SRP72: variants seen among roughly 807,000 people sequenced by gnomAD.
SRP72 encodes the protein signal recognition particle subunit SRP72.
In SRP72, 49 loss-of-function variants were observed where a neutral mutation model predicts 96.3. That is an observed-to-expected ratio of 0.51 (90% confidence interval 0.40 to 0.65). The LOEUF (loss-of-function observed/expected upper bound fraction) is 0.65. SRP72 is among the 30% of genes least tolerant of loss of function. The pLI, the probability that SRP72 is intolerant of heterozygous loss-of-function variation, is 0.00. For synonymous variants in SRP72, 267 were observed against 275.2 expected (o/e 0.97, Z 0.30); for missense variants, 736 against 793.3 (o/e 0.93, Z 0.87).
chr4:56,491,693 C>T (rs1256522746), intron 16 of SRP72, 125 bp downstream of exon 16: 2 of 933,868 alleles, frequency 2.1e-6, no homozygotes, highest in Admixed American at 2.8e-5. Context: ...TTCCATTTCT[C>T]TCACTGTGCC....
intron 16 of SRP72, among the ~76,000 whole-genome samples, chr4:56,493,235 CA>C (rs1192879426): frequency 6.6e-6 from 1 of 151,826 alleles, no homozygotes; most frequent in East Asian, 2.0e-4. Flanking sequence ...AGGGTTTCAC[CA>C]TGTCGATCAG....
rs1578190350 is a variant in SRP72, at chr4:56,488,097, G to A, written c.1224+84G>A. On this transcript the variant is annotated intron_variant, in intron 12 of 18. Coordinates refer to ENST00000642900, the MANE Select transcript of SRP72 (RefSeq NM_006947.4). Reference sequence around the variant, plus strand: ...TGTGTATTCACTTTATTTATATGTCGAATGTGTATTCACTTTAAGGTAGGA... The same window carrying A: ...TGTGTATTCACTTTATTTATATGTCAAATGTGTATTCACTTTAAGGTAGGA... 7.9e-6 allele frequency: 7 copies of A among 890,584 alleles called. No homozygotes were observed. The East Asian group carries it at 1.1e-4, about 14-fold the overall frequency. The allele number at this position is 890,584 out of a possible 1,614,324, so 55.2% of individuals were successfully genotyped here. A position where few individuals can be genotyped will look rare whatever the true frequency, so the allele number is the denominator to read the frequency against.
rs1404176833 is a variant in SRP72 at position 56,467,739 on chromosome 4, A to G, written c.104A>G (p.Asn35Ser). The change falls in exon 1 of 19, where the codon AAT (asparagine) becomes AGT (serine). Residue 35 changes from asparagine to serine, a missense_variant. Asn to Ser is a conservative substitution (Grantham distance 46). Coordinates refer to ENST00000642900, the MANE Select transcript of SRP72 (RefSeq NM_006947.4). ...GDFTRALKTV[N>S]KILQINKDDV... ...TTCACGCGCGCTCTCAAGACCGTCAATAAGAGTAAGTGTCGGGGTGGGCAC... is the reference window on the plus strand; with the variant it reads ...TTCACGCGCGCTCTCAAGACCGTCAGTAAGAGTAAGTGTCGGGGTGGGCAC... The G allele has an allele frequency of 1.3e-6, 2 of 1,536,576 alleles. No individual in the cohort carries two copies. Among genetic ancestry groups the G allele is most frequent in the East Asian group, 2.6e-5 (1 of 37,804 alleles).
Position 56,474,089 on chromosome 4 carries a change from A to G in SRP72, c.390A>G (p.Ala130=), listed in dbSNP as rs1429016252. 1 of 1,614,104 alleles carries G rather than the reference A, an allele frequency of 6.2e-7. No homozygotes were observed. Among genetic ancestry groups the G allele is most frequent in the Non-Finnish European group, 8.5e-7 (1 of 1,180,012 alleles). Residue 130 remains alanine, a synonymous_variant, in exon 4 of 19, where the codon GCA becomes GCG. Transcript: ENST00000642900. Reference sequence around the variant, plus strand: ...TGGAACGCTATGATGAATGCTTAGCAGTGTATAGAGATCTCGTCCGAAACT... The same window carrying G: ...TGGAACGCTATGATGAATGCTTAGCGGTGTATAGAGATCTCGTCCGAAACT... ...YRLERYDECL[A]VYRDLVRNSQ...
intron 4 of SRP72, 34 bp from the exon 5 acceptor site, chr4:56,474,246 T>A: frequency 6.2e-7 from 1 of 1,613,266 alleles, no homozygotes; most frequent in Non-Finnish European, 8.5e-7. Context: ...ATTATTCATA[T>A]TTAGTATTTA....
chr4:56,474,704 C>T (rs1720137923), intron 5 of SRP72, among the ~76,000 whole-genome samples: 1 of 152,042 alleles, frequency 6.6e-6, no homozygotes, highest in Non-Finnish European at 1.5e-5. Flanking sequence ...TCACCACACC[C>T]AGCTAATTTT....
intron 17 of SRP72, among the ~76,000 whole-genome samples, chr4:56,499,018 G>T (rs571531228): frequency 6.6e-6 from 1 of 152,222 alleles, no homozygotes; most frequent in African/African-American, 2.4e-5. Flanking sequence ...TCAAACTATT[G>T]TTACAAGGCT....
chr4:56,486,242 TTA>T (rs1332583640), intron 10 of SRP72, 81 bp from the exon 11 acceptor site: 1 of 987,202 alleles, frequency 1.0e-6, no homozygotes, highest in Non-Finnish European at 1.5e-6. Flanking sequence ...ATTTAAAATC[TTA>T]TGTAGCTAAG....
chr4:56,478,720 T>C (rs1430892230), intron 8 of SRP72, 71 bp downstream of exon 8: 1 of 1,475,572 alleles, frequency 6.8e-7, no homozygotes, highest in Non-Finnish European at 9.2e-7. Flanking sequence ...TTAGTTTTGT[T>C]CTAGGATAGC....
chr4:56,478,154 C>CTTTTTTTTTTT (rs796835545), intron 6 of SRP72, among the ~76,000 whole-genome samples: 1 of 115,782 alleles, frequency 8.6e-6, no homozygotes, highest in Non-Finnish European at 1.9e-5. Context: ...TTTGCCTTTT[C>CTTTTTTTTTTT]TTTTTTTTTT....
rs182048586 is a variant in SRP72, at chr4:56,502,844, T to G, written c.*983T>G. On this transcript the variant is annotated 3_prime_UTR_variant, in exon 19 of 19. Coordinates refer to ENST00000642900, the MANE Select transcript of SRP72 (RefSeq NM_006947.4). ...TCCTTCTGGTTATGGATTTTGACCA[T>G]TGATTACCTTTCTCAATGTAATGAA... is the stretch of plus-strand genomic sequence containing the variant. 1.5e-3 allele frequency: 224 copies of G among 152,294 alleles called. 1 individual carries two copies. The highest frequency in any genetic ancestry group is 5.2e-3 in the African/African-American group (218 of 41,562). The allele number at this position is 152,294 out of a possible 1,614,324, so 9.4% of individuals were successfully genotyped here.
At chr4:56,482,904 A>G (rs1720558345) in intron 8 of SRP72, among the ~76,000 whole-genome samples, 2 of 152,242 alleles carry the variant, frequency 1.3e-5, no homozygotes, top group Non-Finnish European at 1.5e-5. Context: ...GAGTGGGGGT[A>G]GATTCTGGGA....
At chr4:56,501,479 G>A (rs554633363) in intron 18 of SRP72, among the ~76,000 whole-genome samples, 1 of 152,042 alleles carries the variant, frequency 6.6e-6, no homozygotes. Context: ...CTTGGCATGT[G>A]TACCATGTTT....
At chr4:56,469,798 T>C (rs1719893801) in intron 2 of SRP72, 25 bp downstream of exon 2, 1 of 1,574,040 alleles carries the variant, frequency 6.4e-7, no homozygotes, top group African/African-American at 1.3e-5. Flanking sequence ...TAGTTGCTTG[T>C]ACAGTTATTA....
chr4:56,478,162 T>A (rs1484766691), intron 6 of SRP72, among the ~76,000 whole-genome samples: 2 of 151,358 alleles, frequency 1.3e-5, no homozygotes, highest in African/African-American at 4.8e-5. Flanking sequence ...TTCTTTTTTT[T>A]TTTTTTTTCT....
intron 17 of SRP72, among the ~76,000 whole-genome samples, chr4:56,499,942 T>G (rs1456303151): frequency 6.6e-6 from 1 of 152,160 alleles, no homozygotes; most frequent in African/African-American, 2.4e-5. Context: ...AGTATTCACA[T>G]TAGCAAAGAT....
rs182310973 is a variant in SRP72 at position 56,469,571 on chromosome 4, G to A, written c.110-82G>A. 1.6e-3 allele frequency: 2,197 copies of A among 1,349,884 alleles called. 5 individuals carry two copies. Among genetic ancestry groups the A allele is most frequent in the Non-Finnish European group, 2.1e-3 (2,112 of 1,002,926 alleles). 83.6% of individuals were successfully genotyped at this position (1,349,884 alleles called of 1,614,324 possible). On this transcript the variant is annotated intron_variant, in intron 1 of 18. Coordinates refer to ENST00000642900, the MANE Select transcript of SRP72 (RefSeq NM_006947.4). ...CAATAAAAGTAGAAATTTAGCTTTCGGAGAGACAGGGTGGGAAAATTTAGT... is the reference window on the plus strand; with the variant it reads ...CAATAAAAGTAGAAATTTAGCTTTCAGAGAGACAGGGTGGGAAAATTTAGT...
chr4:56,501,849 A>G lies in SRP72; in HGVS notation c.2004A>G (p.Lys668=), dbSNP rs148068843. ...AACAGAAAAAGAAGAAAGGTGGAAAAGGTGGCTGGTGATGAGAATATTCTT... is the reference window on the plus strand; with the variant it reads ...AACAGAAAAAGAAGAAAGGTGGAAAGGGTGGCTGGTGATGAGAATATTCTT... ...KQQQKKKKGG[K]GGW The change falls in exon 19 of 19, where the codon AAA becomes AAG. Residue 668 remains lysine, a synonymous_variant. Coordinates refer to ENST00000642900, the MANE Select transcript of SRP72 (RefSeq NM_006947.4). The G allele has an allele frequency of 1.2e-3, 1,961 of 1,614,112 alleles. 3 individuals carry two copies. The highest frequency in any genetic ancestry group is 1.5e-3 in the Admixed American group (90 of 60,012).
intron 6 of SRP72, among the ~76,000 whole-genome samples, chr4:56,478,023 A>G (rs1720314280): frequency 6.6e-6 from 1 of 152,192 alleles, no homozygotes; most frequent in Admixed American, 6.5e-5. Flanking sequence ...GGATATCATT[A>G]TAAAAAGATA....
Sources: allele counts gnomAD v4.1 joint callset (sites outside exome capture counted in the v4.1 genomes callset), GRCh38; gene constraint gnomAD v4.1.1; transcripts MANE v1.5; gene names NCBI Gene and HGNC (gene_info 2026-07-23, HGNC 2026-07-21).